Variants in TMX4 observed in about 807,000 individuals in gnomAD.
The protein encoded by TMX4 is thioredoxin related transmembrane protein 4.
TMX4 carries 23 observed loss-of-function variants against 33.3 expected under a neutral mutation model. That is an observed-to-expected ratio of 0.69 (90% CI 0.50 to 0.98). TMX4 has a LOEUF of 0.98. Among genes scored for constraint, TMX4 ranks in the 50% least tolerant of loss-of-function variants. The probability of loss-of-function intolerance (pLI) is 0.00; values close to 1 mark genes in which losing one functional copy is unlikely to be tolerated. For missense variants in TMX4, 399 were observed against 448.9 expected (o/e 0.89, Z 1.01); for synonymous variants, 164 against 161.5 (o/e 1.02, Z -0.12).
At chr20:8,001,376 G>T in intron 3 of TMX4, 120 bp downstream of exon 3, 1 of 1,042,604 alleles carries the variant, frequency 9.6e-7, no homozygotes, top group Non-Finnish European at 1.4e-6. Flanking sequence ...GAGCACACCA[G>T]CCTTGTTTCC....
chr20:8,018,054 G>A (rs1477031484), intron 1 of TMX4, among the ~76,000 whole-genome samples: 1 of 151,648 alleles, frequency 6.6e-6, no homozygotes, highest in Non-Finnish European at 1.5e-5. Context: ...CATAAATTTT[G>A]GCTCTGATCT....
At chr20:7,989,088 A>G (rs1351280517) in intron 5 of TMX4, among the ~76,000 whole-genome samples, 1 of 152,164 alleles carries the variant, frequency 6.6e-6, no homozygotes, top group Non-Finnish European at 1.5e-5. Flanking sequence ...TTGAGATATC[A>G]AAACATCATT....
At chr20:8,018,916 A>C in intron 1 of TMX4, 1 of 400,266 alleles carries the variant, frequency 2.5e-6, no homozygotes, top group Non-Finnish European at 4.9e-6. Context: ...AGACTACGAC[A>C]CAAATGGCCT....
chr20:7,999,935 C>A, intron 3 of TMX4, 75 bp from the exon 4 acceptor site: 3 of 1,496,124 alleles, frequency 2.0e-6, no homozygotes, highest in Non-Finnish European at 2.7e-6. Context: ...ATTAAAATAG[C>A]TACTGGTGAT....
chr20:8,015,233 AT>A (rs2050769586), intron 1 of TMX4, among the ~76,000 whole-genome samples: 1 of 152,194 alleles, frequency 6.6e-6, no homozygotes, highest in African/African-American at 2.4e-5. Context: ...AAAATCAAAC[AT>A]TCGCATGTTT....
intron 4 of TMX4, 122 bp downstream of exon 4, chr20:7,999,610 G>A (rs898752748): frequency 8.9e-7 from 1 of 1,120,402 alleles, no homozygotes; most frequent in South Asian, 1.7e-5. Flanking sequence ...GCATGGCCAT[G>A]AGTAATCTGG....
At chr20:7,990,000 A>T (rs527288165) in intron 5 of TMX4, among the ~76,000 whole-genome samples, 1 of 152,316 alleles carries the variant, frequency 6.6e-6, no homozygotes, top group South Asian at 2.1e-4. Context: ...GATGAATAAG[A>T]AAGTATCTTA....
At chr20:8,019,161 G>C in intron 1 of TMX4, 1 of 478,152 alleles carries the variant, frequency 2.1e-6, no homozygotes, top group Non-Finnish European at 3.7e-6. Flanking sequence ...ACCCTCGGCT[G>C]TCACCGCGAG....
intron 1 of TMX4, 104 bp downstream of exon 1, chr20:8,019,334 G>C: frequency 2.2e-6 from 3 of 1,339,868 alleles, no homozygotes; most frequent in Non-Finnish European, 9.9e-7. Flanking sequence ...GGGGTTTTAG[G>C]TTGAGCCCAA....
intron 1 of TMX4, among the ~76,000 whole-genome samples, chr20:8,017,199 C>T (rs956047574): frequency 6.6e-6 from 1 of 152,002 alleles, no homozygotes; most frequent in African/African-American, 2.4e-5. Flanking sequence ...AGGATGAGCA[C>T]TTGGGTTTTA....
rs2050784366 is a variant in TMX4, at chr20:8,018,215, C to G, written c.176+1223G>C. Among the ~76,000 whole-genome samples the G allele has an allele frequency of 2.5e-5, 3 of 121,514 alleles. No individual in the cohort carries two copies. The Admixed American group carries it at 3.3e-4, about 14-fold the overall frequency. The allele number at this position is 121,514 out of a possible 152,430, so 79.7% of individuals were successfully genotyped here. ...TAGTAGTATACAGATTGCCAGAAACCACAGGCTAAAGAGATGTGGCAATTT... is the reference window on the plus strand; with the variant it reads ...TAGTAGTATACAGATTGCCAGAAACGACAGGCTAAAGAGATGTGGCAATTT... On this transcript the variant is annotated intron_variant, in intron 1 of 7. Transcript: ENST00000246024.
At chr20:8,011,263 G>C (rs371326893) in intron 1 of TMX4, among the ~76,000 whole-genome samples, 1 of 151,920 alleles carries the variant, frequency 6.6e-6, no homozygotes, top group Non-Finnish European at 1.5e-5. Flanking sequence ...AAGGGGCCAG[G>C]GGAGAGAAAG....
At chr20:8,007,985 T>C (rs983970632) in intron 2 of TMX4, among the ~76,000 whole-genome samples, 6 of 152,232 alleles carry the variant, frequency 3.9e-5, no homozygotes, top group Non-Finnish European at 7.3e-5. Flanking sequence ...GTCCTCCTTA[T>C]TCACCTTTGT....
chr20:7,985,272 TATATA>T (rs1466995614), intron 6 of TMX4, among the ~76,000 whole-genome samples: 3 of 100,950 alleles, frequency 3.0e-5, no homozygotes, highest in African/African-American at 1.9e-4. Flanking sequence ...TATATATATA[TATATA>T]TTTTTTTTTT....
chr20:8,003,262 G>A (rs542971160), intron 2 of TMX4, among the ~76,000 whole-genome samples: 3 of 151,860 alleles, frequency 2.0e-5, no homozygotes, highest in Non-Finnish European at 4.4e-5. Flanking sequence ...AGACAGTTAC[G>A]GTATTAAGAA....
At chr20:8,007,870 G>A (rs536703515) in intron 2 of TMX4, among the ~76,000 whole-genome samples, 12 of 152,218 alleles carry the variant, frequency 7.9e-5, no homozygotes, top group East Asian at 5.8e-4. Flanking sequence ...TTTATCCTAC[G>A]TTTTCTTCAT....
chr20:8,019,379 C>A, intron 1 of TMX4, 59 bp downstream of exon 1: 1 of 1,490,784 alleles, frequency 6.7e-7, no homozygotes, highest in South Asian at 1.3e-5. Flanking sequence ...GCCGCGCGGG[C>A]TTGGGAGGGT....
rs1159570460 is a variant in TMX4, at chr20:8,019,658, G to A, written c.-45C>T. On this transcript the variant is annotated 5_prime_UTR_variant, in exon 1 of 8. Transcript: ENST00000246024. ...TTCTCGGCGGGGAGTGTGGGGAAGG[G>A]CAGCGGCCGGCCCGCAGCCTCGCTC... 7 of 1,288,162 alleles carry A rather than the reference G, an allele frequency of 5.4e-6. No individual in the cohort carries two copies. Among genetic ancestry groups the A allele is most frequent in the African/African-American group, 4.7e-5 (3 of 64,270 alleles). The allele number at this position is 1,288,162 out of a possible 1,614,324, so 79.8% of individuals were successfully genotyped here.
intron 2 of TMX4, among the ~76,000 whole-genome samples, chr20:8,005,729 C>T (rs770919818): frequency 2.2e-4 from 34 of 152,102 alleles, no homozygotes; most frequent in Non-Finnish European, 3.7e-4. Flanking sequence ...GAGAGGAGCA[C>T]ACCAGCAGAA....
Sources: allele counts gnomAD v4.1 joint callset (sites outside exome capture counted in the v4.1 genomes callset), GRCh38; gene constraint gnomAD v4.1.1; transcripts MANE v1.5; gene names NCBI Gene and HGNC (gene_info 2026-07-23, HGNC 2026-07-21).